Variants in MYT1L observed in about 807,000 individuals in gnomAD.
The protein encoded by MYT1L is myelin transcription factor 1 like, also known as myelin transcription factor 1-like protein.
In MYT1L, 12 loss-of-function variants were observed where a neutral mutation model predicts 126.7. That is an observed-to-expected ratio of 0.09 (90% confidence interval 0.06 to 0.15). The LOEUF (loss-of-function observed/expected upper bound fraction) is 0.15. Ranked by LOEUF, MYT1L falls within the 10% of genes least tolerant of loss-of-function variation. The probability of loss-of-function intolerance (pLI) is 1.00; values close to 1 mark genes in which losing one functional copy is unlikely to be tolerated. For missense variants in MYT1L, 979 were observed against 1,585.2 expected (o/e 0.62, Z 6.49); for synonymous variants, 541 against 604.2 (o/e 0.90, Z 1.53).
chr2:2,004,318 CA>C (rs2062861259), intron 4 of MYT1L, among the ~76,000 whole-genome samples: 5 of 143,588 alleles, frequency 3.5e-5, no homozygotes, highest in Non-Finnish European at 6.1e-5. Flanking sequence ...TTCTTTCCTG[CA>C]GGCGTTCTTT....
At chr2:2,102,248 T>G (rs781608949) in intron 3 of MYT1L, among the ~76,000 whole-genome samples, 1 of 152,230 alleles carries the variant, frequency 6.6e-6, no homozygotes, top group Non-Finnish European at 1.5e-5. Flanking sequence ...TGGTGCTTAA[T>G]AAATGTTTGT....
At chr2:1,984,634 C>G (rs1454280825) in intron 5 of MYT1L, among the ~76,000 whole-genome samples, 2 of 151,498 alleles carry the variant, frequency 1.3e-5, no homozygotes, top group Admixed American at 6.6e-5. Context: ...CTCAGCCTCC[C>G]GAGTAGCTGG....
At chr2:1,820,377 G>C (rs1346958733) in intron 21 of MYT1L, among the ~76,000 whole-genome samples, 2 of 152,056 alleles carry the variant, frequency 1.3e-5, no homozygotes, top group Admixed American at 1.3e-4. Flanking sequence ...CCCCACTCCA[G>C]GTTCTCAAAA....
At chr2:2,231,747 C>T (rs2094167537) in intron 2 of MYT1L, among the ~76,000 whole-genome samples, 1 of 152,036 alleles carries the variant, frequency 6.6e-6, no homozygotes, top group Admixed American at 6.6e-5. Context: ...CCTTGCCTAG[C>T]CAAAAACCAA....
At chr2:2,180,781 T>A (rs960701495) in intron 2 of MYT1L, among the ~76,000 whole-genome samples, 1 of 150,888 alleles carries the variant, frequency 6.6e-6, no homozygotes, top group African/African-American at 2.4e-5. Flanking sequence ...TATTTGTACC[T>A]GTGTGTGCCT....
intron 1 of MYT1L, among the ~76,000 whole-genome samples, chr2:2,313,706 T>A (rs527933541): frequency 5.3e-5 from 8 of 152,244 alleles, no homozygotes; most frequent in African/African-American, 1.4e-4. Flanking sequence ...TCCTAAAAAA[T>A]TTAAGTAAAA....
intron 4 of MYT1L, among the ~76,000 whole-genome samples, chr2:2,051,618 C>G (rs1467701701): frequency 6.6e-6 from 1 of 152,178 alleles, no homozygotes; most frequent in Admixed American, 6.5e-5. Flanking sequence ...AGAATTAAGC[C>G]TTAAAAACAA....
At chr2:2,278,807 T>C (rs920551544) in intron 2 of MYT1L, among the ~76,000 whole-genome samples, 2 of 152,186 alleles carry the variant, frequency 1.3e-5, no homozygotes, top group African/African-American at 2.4e-5. Context: ...TGGGAAACAG[T>C]AGGACAGTGG....
rs142958453 is a variant in MYT1L at position 1,837,580 on chromosome 2, C to T, written c.3080+1569G>A. On this transcript the variant is annotated intron_variant, in intron 21 of 24. Transcript: ENST00000647738. ...GGAGTTGTGTGCACAAGGACGTTCA[C>T]GCGGAGTTCTTTGTAACAATCAAAC... 3.6e-3 allele frequency among the ~76,000 whole-genome samples: 547 copies of T among 152,206 alleles called. 3 individuals are homozygous for T. The highest frequency in any genetic ancestry group is 5.9e-3 in the Non-Finnish European group (404 of 68,016).
At chr2:2,329,790 C>T (rs1187961358) in intron 1 of MYT1L, among the ~76,000 whole-genome samples, 1 of 152,104 alleles carries the variant, frequency 6.6e-6, no homozygotes, top group African/African-American at 2.4e-5. Flanking sequence ...TTTAAGGAGA[C>T]TTTTAAGCAA....
At chr2:2,071,946 T>C (rs1409092299) in intron 3 of MYT1L, among the ~76,000 whole-genome samples, 1 of 152,188 alleles carries the variant, frequency 6.6e-6, no homozygotes, top group Non-Finnish European at 1.5e-5. Context: ...TTGGCACAAT[T>C]TGATTTTGAG....
chr2:1,995,027 G>A (rs1163004880), intron 5 of MYT1L, among the ~76,000 whole-genome samples: 6 of 152,044 alleles, frequency 3.9e-5, no homozygotes, highest in Admixed American at 2.0e-4. Context: ...GAGGAAATAC[G>A]TTATTCCACA....
intron 5 of MYT1L, among the ~76,000 whole-genome samples, chr2:1,987,132 G>T (rs1168283399): frequency 6.6e-6 from 1 of 152,090 alleles, no homozygotes; most frequent in African/African-American, 2.4e-5. Flanking sequence ...TATCTTGCCA[G>T]CAAGTTCTGG....
chr2:1,966,730 C>T (rs1265773215), intron 8 of MYT1L, among the ~76,000 whole-genome samples: 1 of 149,640 alleles, frequency 6.7e-6, no homozygotes, highest in Admixed American at 6.6e-5. Context: ...AAAACTAAAA[C>T]ATTTAATGGG....
chr2:2,099,696 C>G (rs900040537), intron 3 of MYT1L, among the ~76,000 whole-genome samples: 2 of 152,166 alleles, frequency 1.3e-5, no homozygotes, highest in African/African-American at 4.8e-5. Flanking sequence ...AACAGTATAG[C>G]TGTTATCCAT....
At chr2:1,863,583 G>A (rs77468719) in intron 18 of MYT1L, among the ~76,000 whole-genome samples, 6,422 of 152,062 alleles carry the variant, frequency 0.042, 174 homozygotes, top group African/African-American at 0.071. Context: ...GGATAGAAAC[G>A]GCATGTCCCA....
At chr2:2,275,654 T>C (rs369164056) in intron 2 of MYT1L, among the ~76,000 whole-genome samples, 1 of 152,188 alleles carries the variant, frequency 6.6e-6, no homozygotes, top group Non-Finnish European at 1.5e-5. Context: ...ACCTCGTCCA[T>C]GGAATGTGAG....
intron 3 of MYT1L, among the ~76,000 whole-genome samples, chr2:2,093,498 G>C (rs1257375473): frequency 1.3e-5 from 2 of 151,976 alleles, no homozygotes; most frequent in African/African-American, 2.4e-5. Flanking sequence ...CTTTTGAGAA[G>C]TGTCTGTTCA....
chr2:2,110,346 T>C (rs1418695564), intron 3 of MYT1L, among the ~76,000 whole-genome samples: 1 of 152,174 alleles, frequency 6.6e-6, no homozygotes, highest in Non-Finnish European at 1.5e-5. Context: ...TTCCCCTTTA[T>C]AGGAAATCTA....
Sources: gnomAD v4.1 joint callset for allele counts (sites outside exome capture counted in the v4.1 genomes callset) on GRCh38, gnomAD v4.1.1 for gene constraint, MANE v1.5 for transcripts, NCBI Gene and HGNC (gene_info 2026-07-23, HGNC 2026-07-21) for gene names.